The following KIRREL1 variants were observed in gnomAD, a reference collection of about 807,000 sequenced individuals.
KIRREL1 encodes kin of IRRE-like protein 1.
KIRREL1 carries 25 observed loss-of-function variants against 83.3 expected under a neutral mutation model. That is an observed-to-expected ratio of 0.30 (90% CI 0.22 to 0.42). The LOEUF (loss-of-function observed/expected upper bound fraction) is 0.42. Among genes scored for constraint, KIRREL1 ranks in the 10% least tolerant of loss-of-function variants. The pLI is 1.00. For synonymous variants in KIRREL1, 388 were observed against 410.4 expected, an observed-to-expected ratio of 0.95 and a Z score of 0.66; for missense variants, 812 against 1,032.3, an observed-to-expected ratio of 0.79 and a Z score of 2.92.
intron 6 of KIRREL1, 69 bp downstream of exon 6, chr1:158,087,929 T>G (rs1662065510): frequency 1.2e-6 from 2 of 1,608,078 alleles, no homozygotes; most frequent in African/African-American, 2.7e-5. Context: ...GAGGCTGTAC[T>G]GGGGAGGCCA....
chr1:158,019,942 G>A (rs1337420544), intron 1 of KIRREL1, among the ~76,000 whole-genome samples: 1 of 152,160 alleles, frequency 6.6e-6, no homozygotes, highest in African/African-American at 2.4e-5. Flanking sequence ...TAAGTTTGAA[G>A]TCAAAAATAG....
At chr1:158,011,094 C>T (rs1659674745) in intron 1 of KIRREL1, among the ~76,000 whole-genome samples, 1 of 152,178 alleles carries the variant, frequency 6.6e-6, no homozygotes, top group Non-Finnish European at 1.5e-5. Flanking sequence ...CCTTCCTATG[C>T]AAGCTGCTCA....
chr1:158,044,192 T>C (rs1266878835), intron 1 of KIRREL1, among the ~76,000 whole-genome samples: 1 of 152,156 alleles, frequency 6.6e-6, no homozygotes, highest in Non-Finnish European at 1.5e-5. Context: ...GGGTGCCAGA[T>C]GTAAGAAGCA....
intron 1 of KIRREL1, among the ~76,000 whole-genome samples, chr1:158,035,529 A>G (rs899420547): frequency 6.6e-6 from 1 of 152,180 alleles, no homozygotes; most frequent in Non-Finnish European, 1.5e-5. Context: ...TGCACAAGAC[A>G]CTGCTAGATA....
chr1:158,004,824 G>A (rs1382445489), intron 1 of KIRREL1, among the ~76,000 whole-genome samples: 4 of 152,124 alleles, frequency 2.6e-5, no homozygotes, highest in Non-Finnish European at 4.4e-5. Context: ...TGCACCTGTA[G>A]TCCCAGCTAC....
chr1:158,083,840 A>G (rs1241865158), intron 3 of KIRREL1, among the ~76,000 whole-genome samples: 10 of 152,146 alleles, frequency 6.6e-5, no homozygotes, highest in Admixed American at 2.6e-4. Flanking sequence ...CTGTAGGGGT[A>G]TGGAGCCAGG....
chr1:157,997,468 G>GGTGTGT (rs58719060), intron 1 of KIRREL1, among the ~76,000 whole-genome samples: 2,348 of 149,684 alleles, frequency 0.016, 31 homozygotes, highest in East Asian at 0.032. Flanking sequence ...TTCTTTGTGG[G>GGTGTGT]GTGTGTGTGT....
chr1:158,032,021 T>C (rs1660340418), intron 1 of KIRREL1, among the ~76,000 whole-genome samples: 1 of 151,302 alleles, frequency 6.6e-6, no homozygotes, highest in African/African-American at 2.4e-5. Context: ...TGGCTGAGCC[T>C]GCGGCTGTGA....
chr1:158,094,536 A>T lies in KIRREL1; in HGVS notation c.1798-108A>T. The stretch of plus-strand genomic sequence containing the variant: ...AGGAGCAGAGGAGGTGGAATGCTAG[A>T]TGGGGACATAGGGAGAGCTGGAGGA... On this transcript the variant is annotated intron_variant, in intron 14 of 14. Coordinates refer to ENST00000359209, the MANE Select transcript of KIRREL1 (RefSeq NM_018240.7). The surrounding 1 kb of genome is among the most constrained non-coding windows in gnomAD (Gnocchi z 4.6). 1.6e-6 allele frequency: 2 copies of T among 1,246,794 alleles called. No individual in the cohort carries two copies. Among genetic ancestry groups the T allele is most frequent in the Non-Finnish European group, 2.3e-6 (2 of 855,248 alleles). The allele number at this position is 1,246,794 out of a possible 1,614,324, so 77.2% of individuals were successfully genotyped here.
rs58865631 is a variant in KIRREL1, at chr1:158,091,254, G to A, written c.1273-104G>A. The A allele has an allele frequency of 7.6e-3, 7,872 of 1,036,418 alleles. 371 individuals are homozygous for A. The African/African-American group carries it at 0.11, about 14-fold the overall frequency. 64.2% of individuals were successfully genotyped at this position (1,036,418 alleles called of 1,614,324 possible). On this transcript the variant is annotated intron_variant, in intron 10 of 14. Coordinates refer to ENST00000359209, the MANE Select transcript of KIRREL1 (RefSeq NM_018240.7). Reference sequence around the variant, plus strand: ...AGGCTGGGCTTGTGGGGCACACATGGCACATAGGGGTGAGGGTGCCTTGAG... The same window carrying A: ...AGGCTGGGCTTGTGGGGCACACATGACACATAGGGGTGAGGGTGCCTTGAG...
intron 1 of KIRREL1, among the ~76,000 whole-genome samples, chr1:158,039,105 C>T (rs1453298408): frequency 6.6e-6 from 1 of 152,150 alleles, no homozygotes; most frequent in Non-Finnish European, 1.5e-5. Flanking sequence ...ACAAGGTGAC[C>T]GCCATTATCC....
intron 3 of KIRREL1, among the ~76,000 whole-genome samples, chr1:158,078,524 C>T (rs922604467): frequency 6.6e-6 from 1 of 152,142 alleles, no homozygotes; most frequent in Non-Finnish European, 1.5e-5. Context: ...GGGCGTCTCC[C>T]TTCCACTTTC....
rs1659984611 is a variant in KIRREL1, at chr1:158,020,835, A to G, written c.52+27107A>G. ...AAAAATTCATTATCATGCTTTCCAA[A>G]GCCAAAAAGAAATAACTTTTGTATT... On this transcript the variant is annotated intron_variant, in intron 1 of 14. Transcript: ENST00000359209. 1.3e-5 allele frequency among the ~76,000 whole-genome samples: 2 copies of G among 152,222 alleles called. 1 individual carries two copies. Among genetic ancestry groups the G allele is most frequent in the South Asian group, 4.1e-4 (2 of 4,830 alleles).
At position 158,088,346 on chromosome 1, in the gene KIRREL1, T is replaced by G; in HGVS notation, c.936T>G (p.Val312=). The G allele has an allele frequency of 1.2e-6, 2 of 1,613,558 alleles. No individual in the cohort carries two copies. The highest frequency in any genetic ancestry group is 1.7e-6 in the Non-Finnish European group (2 of 1,179,768). Residue 312 remains valine (V), a synonymous_variant, in exon 8 of 15, where the codon GTT becomes GTG. Transcript: ENST00000359209. ...TCACAGTTGCTCCCCGGATTGTAGT[T>G]GACCCCAAACCCACAACCACAGACA... The part of the protein sequence containing the change: ...VNVHFAPRIV[V]DPKPTTTDIG...
chr1:158,071,520 C>G (rs944936502), intron 1 of KIRREL1, among the ~76,000 whole-genome samples: 1 of 152,214 alleles, frequency 6.6e-6, no homozygotes, highest in Non-Finnish European at 1.5e-5. Context: ...TTAAAACATA[C>G]GCGCAGAATC....
At chr1:158,022,884 C>G (rs1660041331) in intron 1 of KIRREL1, among the ~76,000 whole-genome samples, 3 of 152,222 alleles carry the variant, frequency 2.0e-5, no homozygotes, top group Non-Finnish European at 2.9e-5. Flanking sequence ...CCCGCACACT[C>G]TTACCTGTGT....
At chr1:158,014,515 T>G (rs1184853755) in intron 1 of KIRREL1, among the ~76,000 whole-genome samples, 2 of 151,904 alleles carry the variant, frequency 1.3e-5, no homozygotes, top group Non-Finnish European at 2.9e-5. Context: ...CTCCTTCCCC[T>G]CACTCACAAG....
chr1:158,010,326 AACACACACACACAC>A (rs56353855), intron 1 of KIRREL1, among the ~76,000 whole-genome samples: 19 of 72,208 alleles, frequency 2.6e-4, no homozygotes, highest in Non-Finnish European at 2.9e-4. Flanking sequence ...CCCCACCATA[AACACACACACACAC>A]ACACACACAC....
At chr1:158,037,020 C>G (rs1171503118) in intron 1 of KIRREL1, among the ~76,000 whole-genome samples, 1 of 152,168 alleles carries the variant, frequency 6.6e-6, no homozygotes, top group Non-Finnish European at 1.5e-5. Context: ...CCCTTCAGGG[C>G]CTCCCGTGTC....
Sources: allele counts gnomAD v4.1 joint callset (sites outside exome capture counted in the v4.1 genomes callset), GRCh38; gene constraint gnomAD v4.1.1; non-coding constraint Gnocchi (gnomAD v3.1); transcripts MANE v1.5; gene names NCBI Gene and HGNC (gene_info 2026-07-23, HGNC 2026-07-21).